Variants in SDC2 observed in about 807,000 individuals in gnomAD.
The protein encoded by SDC2 is syndecan 2, also known as syndecan-2.
A neutral mutation model predicts 22.2 loss-of-function variants in SDC2; 13 were observed. The ratio of observed to expected loss-of-function variants is 0.59; its 90% CI spans 0.38 to 0.93. SDC2 has a LOEUF of 0.93. SDC2 is among the 40% of genes least tolerant of loss of function. The pLI, the probability that SDC2 is intolerant of heterozygous loss-of-function variation, is 0.00. For synonymous variants in SDC2, 94 were observed against 92.8 expected (o/e 1.01, Z -0.07); for missense variants, 235 against 246.8 (o/e 0.95, Z 0.32).
chr8:96,542,044 C>T (rs1813858860), intron 1 of SDC2, among the ~76,000 whole-genome samples: 1 of 152,122 alleles, frequency 6.6e-6, no homozygotes, highest in Non-Finnish European at 1.5e-5. Flanking sequence ...CTCTGGTCCT[C>T]AGTGCAGGTG....
intron 2 of SDC2, 37 bp downstream of exon 2, chr8:96,593,628 C>A (rs748248477): frequency 1.5e-6 from 2 of 1,298,758 alleles, no homozygotes; most frequent in Admixed American, 3.4e-5. Flanking sequence ...ACCTCATTCT[C>A]CAGGCATGCA....
In SDC2 at chr8:96,510,358, A is replaced by C. The variant is rs181626931; in HGVS notation, c.60+16027A>C. 2.0e-4 allele frequency among the ~76,000 whole-genome samples: 31 copies of C among 152,282 alleles called. No homozygotes were observed. The South Asian group carries it at 2.1e-3, about 10-fold the overall frequency. ...GTTTGCAGCTGAAATAGGAAGAGAG[A>C]GTGCTTTAGGCTGTCTTGTGAGCAA... On this transcript the variant is annotated intron_variant, in intron 1 of 4. Transcript: ENST00000302190.
intron 1 of SDC2, among the ~76,000 whole-genome samples, chr8:96,534,278 G>A (rs1813716299): frequency 6.6e-6 from 1 of 152,218 alleles, no homozygotes; most frequent in Admixed American, 6.5e-5. Flanking sequence ...GTGGGCTGAA[G>A]GGCCCACCTC....
At chr8:96,587,964 A>T (rs1465956753) in intron 1 of SDC2, among the ~76,000 whole-genome samples, 1 of 152,138 alleles carries the variant, frequency 6.6e-6, no homozygotes, top group African/African-American at 2.4e-5. Context: ...TCTCCTGGGT[A>T]GGCCCTGGAG....
intron 1 of SDC2, among the ~76,000 whole-genome samples, chr8:96,503,306 T>C (rs905684578): frequency 2.0e-5 from 3 of 152,222 alleles, no homozygotes; most frequent in African/African-American, 7.2e-5. Flanking sequence ...AAGTGTACAA[T>C]AATAGAGTAA....
intron 1 of SDC2, among the ~76,000 whole-genome samples, chr8:96,514,218 GT>G (rs1430063747): frequency 6.6e-6 from 1 of 152,152 alleles, no homozygotes; most frequent in Non-Finnish European, 1.5e-5. Flanking sequence ...ACTTTAACCA[GT>G]TAGAATGGCA....
intron 1 of SDC2, among the ~76,000 whole-genome samples, chr8:96,562,078 T>A (rs1157944449): frequency 6.6e-6 from 1 of 152,204 alleles, no homozygotes; most frequent in Non-Finnish European, 1.5e-5. Context: ...ATACTCAAGG[T>A]CATTTTGATT....
At chr8:96,564,622 T>C (rs924999017) in intron 1 of SDC2, among the ~76,000 whole-genome samples, 3 of 152,182 alleles carry the variant, frequency 2.0e-5, no homozygotes, top group Non-Finnish European at 4.4e-5. Context: ...GCTTTCTGAT[T>C]GGCGAATGTA....
At position 96,577,009 on chromosome 8, in the gene SDC2, C is replaced by T. The variant is rs939616705; in HGVS notation, c.61-16471C>T. 5.2e-4 allele frequency among the ~76,000 whole-genome samples: 79 copies of T among 152,236 alleles called. 1 individual carries two copies. Among genetic ancestry groups the T allele is most frequent in the Admixed American group, 7.8e-4 (12 of 15,302 alleles). Reference sequence around the variant, plus strand: ...GATTGTGCTGGCTAGGTGGATGGAACGGTGGTGCAACTCATTATTTAATAC... The same window carrying T: ...GATTGTGCTGGCTAGGTGGATGGAATGGTGGTGCAACTCATTATTTAATAC... On this transcript the variant is annotated intron_variant, in intron 1 of 4. Coordinates refer to ENST00000302190, the MANE Select transcript of SDC2 (RefSeq NM_002998.4).
intron 2 of SDC2, among the ~76,000 whole-genome samples, chr8:96,596,218 G>A (rs1814873668): frequency 6.6e-6 from 1 of 152,184 alleles, no homozygotes; most frequent in South Asian, 2.1e-4. Flanking sequence ...TTGGGCGTGA[G>A]AGTGTGTTTT....
At chr8:96,582,482 T>C (rs1814605299) in intron 1 of SDC2, among the ~76,000 whole-genome samples, 1 of 152,252 alleles carries the variant, frequency 6.6e-6, no homozygotes, top group South Asian at 2.1e-4. Flanking sequence ...TTCTTGCTTT[T>C]GTTTAGATTT....
chr8:96,571,789 C>A (rs1375618642), intron 1 of SDC2, among the ~76,000 whole-genome samples: 1 of 152,168 alleles, frequency 6.6e-6, no homozygotes, highest in Non-Finnish European at 1.5e-5. Flanking sequence ...GTACCTTGAA[C>A]ATTTTCTATT....
At chr8:96,526,070 A>C (rs942221213) in intron 1 of SDC2, among the ~76,000 whole-genome samples, 10 of 150,604 alleles carry the variant, frequency 6.6e-5, no homozygotes, top group Admixed American at 3.9e-4. Flanking sequence ...AGAGTTAGTC[A>C]TGGCTTTTGG....
intron 1 of SDC2, among the ~76,000 whole-genome samples, chr8:96,565,977 C>T (rs1167035569): frequency 6.6e-6 from 1 of 151,758 alleles, no homozygotes; most frequent in African/African-American, 2.4e-5. Context: ...TCTTTCCTGC[C>T]CTGTACACCA....
chr8:96,519,906 G>A (rs533713700), intron 1 of SDC2, among the ~76,000 whole-genome samples: 1 of 152,284 alleles, frequency 6.6e-6, no homozygotes, highest in South Asian at 2.1e-4. Flanking sequence ...GGGATTACAG[G>A]TGCGAGCCAC....
intron 1 of SDC2, among the ~76,000 whole-genome samples, chr8:96,590,286 CT>C (rs1363284846): frequency 8.5e-5 from 13 of 152,226 alleles, no homozygotes. Flanking sequence ...ATTAAACAGC[CT>C]CGTTATGACA....
intron 1 of SDC2, 80 bp downstream of exon 1, chr8:96,494,411 C>A: frequency 2.2e-6 from 3 of 1,390,258 alleles, no homozygotes; most frequent in East Asian, 2.6e-5. Context: ...AATAGGGGAG[C>A]GCCACCTGGG....
At chr8:96,594,444 T>G (rs569750761) in intron 2 of SDC2, among the ~76,000 whole-genome samples, 1 of 152,144 alleles carries the variant, frequency 6.6e-6, no homozygotes, top group East Asian at 1.9e-4. Context: ...CAAGTAGAAG[T>G]GTGCAAAGCC....
chr8:96,556,271 A>T (rs1169431176), intron 1 of SDC2, among the ~76,000 whole-genome samples: 1 of 152,112 alleles, frequency 6.6e-6, no homozygotes, highest in Non-Finnish European at 1.5e-5. Flanking sequence ...GAATGAAACG[A>T]AACAAATTAT....
Sources: gnomAD v4.1 joint callset for allele counts (sites outside exome capture counted in the v4.1 genomes callset) on GRCh38, gnomAD v4.1.1 for gene constraint, MANE v1.5 for transcripts, NCBI Gene and HGNC (gene_info 2026-07-23, HGNC 2026-07-21) for gene names.